The following PCDH15 variants were observed in gnomAD, a reference collection of about 807,000 sequenced individuals.
PCDH15 encodes the protein protocadherin related 15.
Under a neutral mutation model 178.5 loss-of-function variants are expected in PCDH15, and 129 were observed. The ratio of observed to expected loss-of-function variants is 0.72; its 90% CI spans 0.63 to 0.84. The LOEUF is 0.84. PCDH15 is among the 40% of genes least tolerant of loss of function. PCDH15 has a pLI of 0.00. For synonymous variants in PCDH15, 800 were observed against 732.0 expected (o/e 1.09, Z -1.50); for missense variants, 2,230 against 2,099.9 (o/e 1.06, Z -1.21).
intron 8 of PCDH15, among the ~76,000 whole-genome samples, chr10:54,237,878 C>T (rs116737789): frequency 0.011 from 1,727 of 152,290 alleles, 40 homozygotes; most frequent in African/African-American, 0.039. Context: ...ATTAACTGTA[C>T]TGCAAATCTT....
chr10:54,772,265 A>G (rs577325590), intron 1 of PCDH15, among the ~76,000 whole-genome samples: 100 of 152,330 alleles, frequency 6.6e-4, no homozygotes, highest in African/African-American at 2.3e-3. Context: ...AGGAAGAGCC[A>G]TTAAATGCAC....
chr10:55,480,529 T>G (rs1840157768), intron 2 of PCDH15, among the ~76,000 whole-genome samples: 1 of 151,534 alleles, frequency 6.6e-6, no homozygotes, highest in Non-Finnish European at 1.5e-5. Context: ...TTTAGAGTTT[T>G]TTTTATCATG....
At chr10:54,321,604 G>A (rs2061611092) in intron 7 of PCDH15, among the ~76,000 whole-genome samples, 1 of 151,672 alleles carries the variant, frequency 6.6e-6, no homozygotes, top group South Asian at 2.1e-4. Flanking sequence ...ATTTTTTAAT[G>A]TTATGTTTTC....
At chr10:54,060,877 GA>G (rs2094000073) in intron 18 of PCDH15, among the ~76,000 whole-genome samples, 1 of 152,020 alleles carries the variant, frequency 6.6e-6, no homozygotes, top group Admixed American at 6.6e-5. Flanking sequence ...AGAAGTCCGG[GA>G]TCCCTGTGTG....
intron 14 of PCDH15, among the ~76,000 whole-genome samples, chr10:54,137,312 G>A (rs1006813945): frequency 2.6e-5 from 4 of 151,884 alleles, no homozygotes; most frequent in African/African-American, 7.3e-5. Flanking sequence ...TTCTAAAAAC[G>A]AATCTCATAA....
chr10:55,051,353 T>G (rs187048765), intron 2 of PCDH15, among the ~76,000 whole-genome samples: 10 of 152,258 alleles, frequency 6.6e-5, no homozygotes, highest in Admixed American at 5.2e-4. Context: ...CATGAAACTT[T>G]TGTTATGACT....
intron 1 of PCDH15, among the ~76,000 whole-genome samples, chr10:54,797,950 G>A (rs1028859775): frequency 7.9e-5 from 12 of 151,924 alleles, no homozygotes; most frequent in Non-Finnish European, 1.2e-4. Context: ...CAAGCTAGTC[G>A]CTCTCACATT....
chr10:55,067,809 T>G (rs11004724), intron 2 of PCDH15, among the ~76,000 whole-genome samples: 4,606 of 152,130 alleles, frequency 0.03, 226 homozygotes, highest in East Asian at 0.25. Context: ...TATATTTTAT[T>G]GTGGTTTTCA....
At chr10:54,909,387 C>T (rs1415380461) in intron 2 of PCDH15, among the ~76,000 whole-genome samples, 1 of 152,078 alleles carries the variant, frequency 6.6e-6, no homozygotes, top group Admixed American at 6.5e-5. Context: ...AGCCTCCCTC[C>T]CAGGCTTGTT....
At chr10:54,664,515 A>C (rs893032232) in intron 1 of PCDH15, among the ~76,000 whole-genome samples, 4 of 152,018 alleles carry the variant, frequency 2.6e-5, no homozygotes, top group African/African-American at 9.7e-5. Context: ...TCTGTTATTT[A>C]ATTTGCCAGC....
intron 1 of PCDH15, among the ~76,000 whole-genome samples, chr10:54,692,482 T>C (rs117062321): frequency 2.0e-5 from 3 of 152,210 alleles, no homozygotes; most frequent in Non-Finnish European, 4.4e-5. Flanking sequence ...TCTGAAATCA[T>C]AGTCTTTGTA....
intron 2 of PCDH15, among the ~76,000 whole-genome samples, chr10:55,399,177 T>C (rs1838003013): frequency 6.6e-6 from 1 of 152,196 alleles, no homozygotes; most frequent in African/African-American, 2.4e-5. Context: ...GTAAAACAAA[T>C]GTTAAATATG....
At chr10:53,958,375 A>G (rs1259762934) in intron 23 of PCDH15, among the ~76,000 whole-genome samples, 1 of 152,200 alleles carries the variant, frequency 6.6e-6, no homozygotes, top group Admixed American at 6.5e-5. Flanking sequence ...TGGATTGACT[A>G]AACTCTACAT....
Position 55,347,950 on chromosome 10 carries a change from A to C in PCDH15, c.-155-181299T>G, listed in dbSNP as rs528795636. Among the ~76,000 whole-genome samples, 9 of 152,128 alleles carry C rather than the reference A, an allele frequency of 5.9e-5. No individual in the cohort carries two copies. The South Asian group carries it at 1.9e-3, about 31-fold the overall frequency. On this transcript the variant is annotated intron_variant, in intron 2 of 5. Transcript: ENST00000613346. ...ATAATATTATAATTTCTTATATCAT[A>C]CAATTGAATTGTAAGCCTAAGTCAA...
Position 55,280,598 on chromosome 10 carries a change from T to C in PCDH15, c.-156+39001A>G, listed in dbSNP as rs144457783. Among the ~76,000 whole-genome samples the C allele has an allele frequency of 2.2e-3, 329 of 152,026 alleles. 2 individuals are homozygous for C. The highest frequency in any genetic ancestry group is 6.5e-3 in the African/African-American group (271 of 41,468). Reference sequence around the variant, plus strand: ...GCCACCGTGCCAGGCCTGTTGATTCTTTATAAGCTGTATTTGTTGAATAAT... The same window carrying C: ...GCCACCGTGCCAGGCCTGTTGATTCCTTATAAGCTGTATTTGTTGAATAAT... On this transcript the variant is annotated intron_variant, in intron 1 of 5. Coordinates refer to the PCDH15 transcript ENST00000458638.
At chr10:55,447,556 G>T (rs1367695401) in intron 2 of PCDH15, among the ~76,000 whole-genome samples, 1 of 151,946 alleles carries the variant, frequency 6.6e-6, no homozygotes, top group Admixed American at 6.6e-5. Context: ...CAAATAGGCG[G>T]AAACAAGAAA....
Position 55,152,100 on chromosome 10 carries a change from AT to A in PCDH15, c.-80+14475del, listed in dbSNP as rs1290327704. ...CTTGGTCATATTAGGTTTTCTTACA[AT>A]TATAAATATAGATCGCTTTTCTGAA... On this transcript the variant is annotated intron_variant, in intron 2 of 5. Coordinates refer to the PCDH15 transcript ENST00000458638. Among the ~76,000 whole-genome samples, 3 of 152,112 alleles carry A rather than the reference AT, an allele frequency of 2.0e-5. No homozygotes were observed. In the East Asian group the frequency reaches 5.8e-4, roughly 29 times the overall value.
chr10:54,857,676 T>C (rs1413554309), intron 3 of PCDH15, among the ~76,000 whole-genome samples: 2 of 151,774 alleles, frequency 1.3e-5, no homozygotes, highest in African/African-American at 2.4e-5. Flanking sequence ...AGTTGCAAAC[T>C]TCTGGCATCA....
chr10:54,905,372 T>A (rs752824456), intron 2 of PCDH15, among the ~76,000 whole-genome samples: 5 of 152,124 alleles, frequency 3.3e-5, no homozygotes, highest in Non-Finnish European at 5.9e-5. Context: ...ATGTATAAAA[T>A]CCTGGCATAG....
Sources: gnomAD v4.1 joint callset for allele counts (sites outside exome capture counted in the v4.1 genomes callset) on GRCh38, gnomAD v4.1.1 for gene constraint, MANE v1.5 for transcripts, NCBI Gene and HGNC (gene_info 2026-07-23, HGNC 2026-07-21) for gene names.